Variants in FAM136A observed in about 807,000 individuals in gnomAD.
FAM136A encodes TIM double twin CX3C motif protein.
FAM136A carries 25 observed loss-of-function variants against 21.6 expected under a neutral mutation model. The observed-to-expected ratio is 1.16, with a 90% CI of 0.84 to 1.62. The LOEUF is 1.62. Among genes scored for constraint, FAM136A ranks in the 40% most tolerant of loss-of-function variants. The probability of loss-of-function intolerance (pLI) is 0.00; values close to 1 mark genes in which losing one functional copy is unlikely to be tolerated. For synonymous variants in FAM136A, 119 were observed against 129.4 expected (o/e 0.92, Z 0.55); for missense variants, 338 against 332.0 (o/e 1.02, Z -0.14).
intron 2 of FAM136A, among the ~76,000 whole-genome samples, chr2:70,299,877 G>C (rs1173422029): frequency 3.3e-5 from 5 of 151,912 alleles, no homozygotes; most frequent in South Asian, 4.2e-4. Context: ...TGGGATTACA[G>C]GTGTGAGCCA....
intron 2 of FAM136A, among the ~76,000 whole-genome samples, chr2:70,299,239 A>G (rs2104938562): frequency 6.6e-6 from 1 of 152,350 alleles, no homozygotes; most frequent in South Asian, 2.1e-4. Context: ...GCTTGGAAGT[A>G]GGCTTGCTTC....
chr2:70,300,619 T>C, intron 2 of FAM136A: 1 of 421,508 alleles, frequency 2.4e-6, no homozygotes, highest in Non-Finnish European at 4.3e-6. Flanking sequence ...GCCTCCGCGC[T>C]CGGCCTACAT....
intron 2 of FAM136A, among the ~76,000 whole-genome samples, chr2:70,299,688 C>A (rs1019633208): frequency 6.6e-6 from 1 of 152,148 alleles, no homozygotes; most frequent in African/African-American, 2.4e-5. Flanking sequence ...GCAAGCTCTG[C>A]CTCCCGGATT....
intron 1 of FAM136A, 112 bp downstream of exon 1, chr2:70,301,492 G>A: frequency 6.5e-7 from 1 of 1,535,692 alleles, no homozygotes; most frequent in Non-Finnish European, 8.7e-7. Context: ...TGTGTGAAGC[G>A]AGGTTGGGCG....
chr2:70,301,781 G>A lies in FAM136A; in HGVS notation c.231C>T (p.Leu77=). 1.9e-6 allele frequency: 3 copies of A among 1,546,474 alleles called. No homozygotes were observed. The highest frequency in any genetic ancestry group is 1.7e-4 in the Middle Eastern group (1 of 5,980). ...CGCCAAAGCTTCCGAAGTCCTGTCCGAGGCCGCCCCGGCGACCCCAGGGCC... is the reference window on the plus strand; with the variant it reads ...CGCCAAAGCTTCCGAAGTCCTGTCCAAGGCCGCCCCGGCGACCCCAGGGCC... ...CGRPWGRRGG[L]GQDFGSFGGS... is the part of the protein sequence containing the mutation. The change falls in exon 1 of 3, where the codon CTC becomes CTT. Residue 77 remains leucine (L), a synonymous_variant. Transcript: ENST00000430566.
chr2:70,297,420 C>T lies in FAM136A; in HGVS notation c.607G>A (p.Ala203Thr), dbSNP rs1324697630. ...CNDKAKDSID[A>T]GSKELQVKQQ... ...TTCACCTGAAGCTCCTTACTCCCAG[C>T]ATCTATTGAATCTTTGGCTTTGTCG... Residue 203 changes from alanine (A) to threonine (T), a missense_variant, in exon 3 of 3, where the codon GCT becomes ACT. By Grantham distance (58) the Ala-to-Thr change is moderately conservative (BLOSUM62 0). Transcript: ENST00000430566. The T allele has an allele frequency of 6.2e-7, 1 of 1,613,990 alleles. No homozygotes were observed. Among genetic ancestry groups the T allele is most frequent in the South Asian group, 1.1e-5 (1 of 91,082 alleles).
At chr2:70,300,634 T>TC in intron 2 of FAM136A, 1 of 524,150 alleles carries the variant, frequency 1.9e-6, no homozygotes, top group Non-Finnish European at 3.4e-6. Context: ...CTACATCATT[T>TC]CTATAGGAAA....
In FAM136A at chr2:70,301,857, T is replaced by C. The variant is rs1697415754; in HGVS notation, c.155A>G (p.His52Arg). Reference protein sequence around the residue: ...SGWVPGPSLSHHATPCTAAAS... With the variant: ...SGWVPGPSLSRHATPCTAAAS... ...GGCTGCAGTGCAAGGCGTCGCGTGG[T>C]GGCTGAGGGAAGGGCCCGGAACCCA... The change falls in exon 1 of 3, where the codon CAC becomes CGC. Residue 52 changes from histidine (H) to arginine (R), a missense_variant. Coordinates refer to ENST00000430566, the MANE Select transcript of FAM136A (RefSeq NM_001329752.2). The C allele has an allele frequency of 1.9e-6, 3 of 1,554,588 alleles. No homozygotes were observed. The highest frequency in any genetic ancestry group is 1.4e-5 in the African/African-American group (1 of 73,370).
At position 70,296,982 on chromosome 2, in the gene FAM136A, T is replaced by C. The variant is rs1430207136; in HGVS notation, c.*307A>G. 3.8e-6 allele frequency: 1 copy of C among 260,824 alleles called. No individual in the cohort carries two copies. The highest frequency in any genetic ancestry group is 2.2e-5 in the African/African-American group (1 of 45,508). The allele number at this position is 260,824 out of a possible 1,614,324, so 16.2% of individuals were successfully genotyped here. A position where few individuals can be genotyped will look rare whatever the true frequency, so the allele number is the denominator to read the frequency against. Reference sequence around the variant, plus strand: ...TGTGTAGTAAGAAGAGTCTGGTACCTTGGAGGGCTCTGGCTTGTTACAGGG... The same window carrying C: ...TGTGTAGTAAGAAGAGTCTGGTACCCTGGAGGGCTCTGGCTTGTTACAGGG... On this transcript the variant is annotated 3_prime_UTR_variant, in exon 3 of 3. Coordinates refer to ENST00000430566, the MANE Select transcript of FAM136A (RefSeq NM_001329752.2).
chr2:70,301,956 C>T lies in FAM136A; in HGVS notation c.56G>A (p.Ser19Asn). The change falls in exon 1 of 3, where the codon AGT (serine) becomes AAT (asparagine). Residue 19 changes from serine (S) to asparagine (N), a missense_variant. By Grantham distance (46) the Ser-to-Asn change is conservative. Transcript: ENST00000430566. The part of the protein sequence containing the change: ...VQEAVESMVK[S>N]LERENIRKMQ... ...CTTCCGGATGTTCTCTCTTTCCAGA[C>T]TCTTCACCATGGACTCCACCGCCTC... 6.2e-7 allele frequency: 1 copy of T among 1,609,144 alleles called. No individual in the cohort carries two copies.
Position 70,298,886 on chromosome 2 carries a change from A to C in FAM136A, c.550-1409T>G, listed in dbSNP as rs74789454. 1.6e-3 allele frequency among the ~76,000 whole-genome samples: 251 copies of C among 152,342 alleles called. 2 individuals are homozygous for C. The highest frequency in any genetic ancestry group is 5.8e-3 in the African/African-American group (240 of 41,592). On this transcript the variant is annotated intron_variant, in intron 2 of 2. Transcript: ENST00000430566. ...TCCACTGTGTCAATGATGCAGACAGAGTAAGATGAAGACTGAGAAATGACC... is the reference window on the plus strand; with the variant it reads ...TCCACTGTGTCAATGATGCAGACAGCGTAAGATGAAGACTGAGAAATGACC...
intron 2 of FAM136A, among the ~76,000 whole-genome samples, chr2:70,298,814 G>C (rs1033067689): frequency 2.2e-4 from 33 of 152,342 alleles, no homozygotes; most frequent in Admixed American, 2.2e-3. Flanking sequence ...AGGAGAGTGA[G>C]ATGTCCTGGT....
intron 2 of FAM136A, among the ~76,000 whole-genome samples, chr2:70,298,252 C>G (rs1697307311): frequency 1.3e-5 from 2 of 152,112 alleles, no homozygotes; most frequent in African/African-American, 2.4e-5. Context: ...GCCACCATGC[C>G]TGGCTAACTT....
Position 70,301,948 on chromosome 2 carries a change from T to A in FAM136A, c.64A>T (p.Arg22Ter). 1 of 1,609,204 alleles carries A rather than the reference T, an allele frequency of 6.2e-7. No homozygotes were observed. The highest frequency in any genetic ancestry group is 2.2e-5 in the East Asian group (1 of 44,808). Residue 22 changes from arginine to a stop codon, truncating the protein, a stop_gained, in exon 1 of 3, where the codon AGA (arginine) becomes TGA (stop). Transcript: ENST00000430566. LOFTEE classifies it high-confidence loss of function. ...AVESMVKSLE[R>*]ENIRKMQVAG... ...ACCTGCATCTTCCGGATGTTCTCTC[T>A]TTCCAGACTCTTCACCATGGACTCC...
In FAM136A at chr2:70,296,085, T is replaced by C. The variant is rs1328814414; in HGVS notation, c.*1204A>G. On this transcript the variant is annotated 3_prime_UTR_variant, in exon 3 of 3. Transcript: ENST00000430566. The stretch of plus-strand genomic sequence containing the variant: ...CTATATTATAATTTCAAGTAATAAG[T>C]TGGTGAAAATTCAACGAAGTTGCTA... 1.3e-5 allele frequency: 2 copies of C among 152,572 alleles called. No individual in the cohort carries two copies. The highest frequency in any genetic ancestry group is 4.8e-5 in the African/African-American group (2 of 41,420). 9.5% of individuals were successfully genotyped at this position (152,572 alleles called of 1,614,324 possible). A position where few individuals can be genotyped will look rare whatever the true frequency, so the allele number is the denominator to read the frequency against.
At position 70,296,082 on chromosome 2, in the gene FAM136A, A is replaced by G. The variant is rs922110418; in HGVS notation, c.*1207T>C. ...AGGCTATATTATAATTTCAAGTAAT[A>G]AGTTGGTGAAAATTCAACGAAGTTG... On this transcript the variant is annotated 3_prime_UTR_variant, in exon 3 of 3. Coordinates refer to ENST00000430566, the MANE Select transcript of FAM136A (RefSeq NM_001329752.2). The G allele has an allele frequency of 1.3e-5, 2 of 152,668 alleles. No homozygotes were observed. Among genetic ancestry groups the G allele is most frequent in the Non-Finnish European group, 2.9e-5 (2 of 68,050 alleles). The allele number at this position is 152,668 out of a possible 1,614,324, so 9.5% of individuals were successfully genotyped here. A position where few individuals can be genotyped will look rare whatever the true frequency, so the allele number is the denominator to read the frequency against.
chr2:70,301,811 A>G lies in FAM136A; in HGVS notation c.201T>C (p.Cys67=). 6.5e-7 allele frequency: 1 copy of G among 1,548,602 alleles called. No individual in the cohort carries two copies. The highest frequency in any genetic ancestry group is 8.7e-7 in the Non-Finnish European group (1 of 1,145,782). ...CTAAASPQTG[C]GRPWGRRGGL... Reference sequence around the variant, plus strand: ...CGCCCCGGCGACCCCAGGGCCGCCCACACCCGGTCTGCGGGGACGCGGCTG... The same window carrying G: ...CGCCCCGGCGACCCCAGGGCCGCCCGCACCCGGTCTGCGGGGACGCGGCTG... Residue 67 remains cysteine (C), a synonymous_variant, in exon 1 of 3, where the codon TGT becomes TGC. Coordinates refer to ENST00000430566, the MANE Select transcript of FAM136A (RefSeq NM_001329752.2).
At chr2:70,298,541 G>A (rs1697314586) in intron 2 of FAM136A, among the ~76,000 whole-genome samples, 1 of 152,168 alleles carries the variant, frequency 6.6e-6, no homozygotes, top group African/African-American at 2.4e-5. Flanking sequence ...TCCAGTGAGA[G>A]GAAAGAGACA....
intron 2 of FAM136A, among the ~76,000 whole-genome samples, chr2:70,298,564 G>A (rs780915161): frequency 1.8e-4 from 27 of 152,234 alleles, no homozygotes; most frequent in Non-Finnish European, 3.2e-4. Context: ...CAAAGTAAAT[G>A]GAGATGTGGA....
Sources: allele counts gnomAD v4.1 joint callset (sites outside exome capture counted in the v4.1 genomes callset), GRCh38; gene constraint gnomAD v4.1.1; transcripts MANE v1.5; gene names NCBI Gene and HGNC (gene_info 2026-07-23, HGNC 2026-07-21).